Variants in LAMB1 observed in about 807,000 individuals in gnomAD.
LAMB1 encodes the protein laminin subunit beta-1.
Under a neutral mutation model 222.3 loss-of-function variants are expected in LAMB1, and 121 were observed. That is an observed-to-expected ratio of 0.54 (90% CI 0.47 to 0.63). The LOEUF (loss-of-function observed/expected upper bound fraction) is 0.63, where lower values mean the gene tolerates loss of function less well. Among genes scored for constraint, LAMB1 ranks in the 30% least tolerant of loss-of-function variants. The pLI, the probability that LAMB1 is intolerant of heterozygous loss-of-function variation, is 0.00. For missense variants in LAMB1, 2,172 were observed against 2,240.8 expected (o/e 0.97, Z 0.62); for synonymous variants, 794 against 807.2 (o/e 0.98, Z 0.28).
rs2033900615 is a variant in LAMB1, at chr7:107,977,955, C to T, written c.1000+92G>A. The T allele has an allele frequency of 2.3e-5, 34 of 1,460,964 alleles. No individual in the cohort carries two copies. The South Asian group carries it at 3.8e-4, about 16-fold the overall frequency. 90.5% of individuals were successfully genotyped at this position (1,460,964 alleles called of 1,614,324 possible). Reference sequence around the variant, plus strand: ...AAAAAGACAGTAACTTTTCTACCCTCTGCAAAACAGTACACTGTTACAGTA... The same window carrying T: ...AAAAAGACAGTAACTTTTCTACCCTTTGCAAAACAGTACACTGTTACAGTA... On this transcript the variant is annotated intron_variant, in intron 9 of 33. Transcript: ENST00000222399.
intron 28 of LAMB1, chr7:107,931,710 T>C (rs1227612320): frequency 5.3e-6 from 3 of 561,146 alleles, no homozygotes; most frequent in Non-Finnish European, 9.2e-6. Flanking sequence ...CTGATATAAA[T>C]AGAACTAGCA....
chr7:107,953,650 G>C lies in LAMB1; in HGVS notation c.2959C>G (p.Pro987Ala), dbSNP rs748424760. Residue 987 changes from proline (P) to alanine (A), a missense_variant, in exon 22 of 34, where the codon CCA becomes GCA. Coordinates refer to ENST00000222399, the MANE Select transcript of LAMB1 (RefSeq NM_002291.3). ...QCHNNIDTTDPEACDKETGRC... is the reference protein window; with the variant it reads ...QCHNNIDTTDAEACDKETGRC... Reference sequence around the variant, plus strand: ...CCAGTCTCCTTGTCACAGGCTTCTGGGTCTGTCGTGTCAATGTTGTTGTGA... The same window carrying C: ...CCAGTCTCCTTGTCACAGGCTTCTGCGTCTGTCGTGTCAATGTTGTTGTGA... 3 of 1,614,086 alleles carry C rather than the reference G, an allele frequency of 1.9e-6. 1 individual carries two copies. In the South Asian group the frequency reaches 3.3e-5, roughly 18 times the overall value.
intron 13 of LAMB1, among the ~76,000 whole-genome samples, chr7:107,967,742 A>T (rs2033663185): frequency 6.6e-6 from 1 of 152,202 alleles, no homozygotes; most frequent in African/African-American, 2.4e-5. Flanking sequence ...TGGCTAAATG[A>T]TATACAGAAA....
chr7:107,928,148 G>A (rs2032611995), intron 31 of LAMB1, among the ~76,000 whole-genome samples: 1 of 152,202 alleles, frequency 6.6e-6, no homozygotes, highest in South Asian at 2.1e-4. Flanking sequence ...AGGATTTTTA[G>A]AGCAAGGTGC....
In LAMB1 at chr7:107,939,982, T is replaced by G. The variant is rs898366334; in HGVS notation, c.3761+7A>C. ...TGAGTAATTCCTCTGGCTCATTAAC[T>G]ACTTACTCTGCTTCCTCAAAGAGAT... On this transcript the variant is annotated splice_region_variant and intron_variant, in intron 25 of 33. Coordinates refer to ENST00000222399, the MANE Select transcript of LAMB1 (RefSeq NM_002291.3). 6.2e-7 allele frequency: 1 copy of G among 1,610,942 alleles called. No individual in the cohort carries two copies. The highest frequency in any genetic ancestry group is 2.2e-5 in the East Asian group (1 of 44,782).
intron 8 of LAMB1, among the ~76,000 whole-genome samples, chr7:107,979,751 A>G (rs529543208): frequency 6.6e-6 from 1 of 152,336 alleles, no homozygotes; most frequent in Non-Finnish European, 1.5e-5. Context: ...TGATCCCTAA[A>G]ATGATATCCC....
chr7:108,003,057 C>T, intron 1 of LAMB1, 54 bp downstream of exon 1: 2 of 1,404,694 alleles, frequency 1.4e-6, no homozygotes, highest in Non-Finnish European at 1.9e-6. Flanking sequence ...CCCACGGAAG[C>T]GGGGGGTGGG....
chr7:107,986,424 A>G (rs1407994299), intron 5 of LAMB1, 61 bp from the exon 6 acceptor site: 2 of 1,431,380 alleles, frequency 1.4e-6, no homozygotes, highest in African/African-American at 1.4e-5. Flanking sequence ...ACTTTTTTTA[A>G]TCTCAGGTAA....
intron 24 of LAMB1, among the ~76,000 whole-genome samples, chr7:107,950,450 T>C (rs572878682): frequency 1.3e-5 from 2 of 152,320 alleles, no homozygotes; most frequent in South Asian, 2.1e-4. Context: ...AAAATAATTT[T>C]CCAGGTCAAA....
chr7:107,980,289 T>C (rs1286783974), intron 8 of LAMB1, among the ~76,000 whole-genome samples: 6 of 152,214 alleles, frequency 3.9e-5, no homozygotes, highest in Non-Finnish European at 7.3e-5. Flanking sequence ...TAATCTTCCC[T>C]ATGTAAAGGC....
chr7:107,937,104 G>A lies in LAMB1; in HGVS notation c.3935C>T (p.Ser1312Leu), dbSNP rs1334085778. ...CAAAAAATGCTCACCCCGAATATCT[G>A]AGTTTTTGATAAATTCCAGTTGTTC... is the stretch of plus-strand genomic sequence containing the variant. ...LAEQLEFIKN[S>L]DIRGALDSIT... Residue 1312 changes from serine to leucine, a missense_variant, in exon 26 of 34, where the codon TCA becomes TTA. Transcript: ENST00000222399. 1.2e-5 allele frequency: 19 copies of A among 1,613,502 alleles called. No homozygotes were observed. Among genetic ancestry groups the A allele is most frequent in the Admixed American group, 1.7e-5 (1 of 59,952 alleles).
chr7:107,948,813 G>C (rs566740973), intron 24 of LAMB1, among the ~76,000 whole-genome samples: 1 of 151,996 alleles, frequency 6.6e-6, no homozygotes, highest in Non-Finnish European at 1.5e-5. Flanking sequence ...TGCTGCCCTC[G>C]TGCCACCGGG....
Position 107,931,455 on chromosome 7 carries a change from C to T in LAMB1, c.4438G>A (p.Glu1480Lys). ...GCATTTGTCTTCAACAGAATGTCTT[C>T]AGCACTTTGTTTTGCCTCATCTGCC... ...LRADEAKQSA[E>K]DILLKTNATK... Residue 1480 changes from glutamate to lysine, a missense_variant, in exon 29 of 34, where the codon GAA becomes AAA. Physicochemically the swap from Glu to Lys is moderately conservative, Grantham distance 56. Transcript: ENST00000222399. 1.2e-6 allele frequency: 2 copies of T among 1,613,690 alleles called. No homozygotes were observed. Among genetic ancestry groups the T allele is most frequent in the East Asian group, 4.5e-5 (2 of 44,830 alleles).
rs767666289 is a variant in LAMB1, at chr7:107,986,405, G to A, written c.424-42C>T. Reference sequence around the variant, plus strand: ...AAATCTCATTTGATGTTTTTTATTGGTAGTCTCTACTTTTTTTAATCTCAG... The same window carrying A: ...AAATCTCATTTGATGTTTTTTATTGATAGTCTCTACTTTTTTTAATCTCAG... On this transcript the variant is annotated intron_variant, in intron 5 of 33. Transcript: ENST00000222399. 10 of 1,518,446 alleles carry A rather than the reference G, an allele frequency of 6.6e-6. No individual in the cohort carries two copies. In the South Asian group the frequency reaches 1.3e-4, roughly 19 times the overall value. 94.1% of individuals were successfully genotyped at this position (1,518,446 alleles called of 1,614,324 possible).
In LAMB1 at chr7:107,981,313, T is replaced by C. The variant is rs1034355803; in HGVS notation, c.677-502A>G. ...AAATACAAAAAGTAGCTGGGCATCA[T>C]GGCATCCGCCTGTAATCCCAGCTAC... On this transcript the variant is annotated intron_variant, in intron 7 of 33. Transcript: ENST00000222399. Among the ~76,000 whole-genome samples the C allele has an allele frequency of 4.6e-5, 7 of 152,142 alleles. No individual in the cohort carries two copies. In the South Asian group the frequency reaches 1.4e-3, roughly 32 times the overall value.
At chr7:107,934,906 A>T (rs1486928774) in intron 27 of LAMB1, among the ~76,000 whole-genome samples, 9 of 36,844 alleles carry the variant, frequency 2.4e-4, no homozygotes, top group Admixed American at 7.3e-4. Context: ...TCTCTTTAAA[A>T]AAAAAAAAAA....
intron 24 of LAMB1, among the ~76,000 whole-genome samples, chr7:107,947,599 T>A (rs977709502): frequency 1.3e-5 from 2 of 152,250 alleles, no homozygotes; most frequent in Non-Finnish European, 2.9e-5. Flanking sequence ...ACACTGGTCC[T>A]ACTCCTGTTG....
chr7:107,990,404 C>A (rs987007771), intron 5 of LAMB1, among the ~76,000 whole-genome samples: 2 of 152,118 alleles, frequency 1.3e-5, no homozygotes. Context: ...GCTAAATGAG[C>A]TTTTGCTAGT....
At chr7:107,978,263 A>AGGCTGAGGCAGGAAAATCGCTTCAAC in intron 8 of LAMB1, 96 bp from the exon 9 acceptor site, 1 of 1,348,032 alleles carries the variant, frequency 7.4e-7, no homozygotes, top group Non-Finnish European at 1.0e-6. Context: ...CCTTTTTCAT[A>AGGCTGAGGCAGGAAAATCGCTTCAAC]CTAATCTCTA....
Sources: gnomAD v4.1 joint callset for allele counts (sites outside exome capture counted in the v4.1 genomes callset) on GRCh38, gnomAD v4.1.1 for gene constraint, MANE v1.5 for transcripts, NCBI Gene and HGNC (gene_info 2026-07-23, HGNC 2026-07-21) for gene names.